PLOD2: variants seen among roughly 807,000 people sequenced by gnomAD.
PLOD2 encodes the protein procollagen-lysine,2-oxoglutarate 5-dioxygenase 2, also known as lysine hydroxylase 2.
A neutral mutation model predicts 101.0 loss-of-function variants in PLOD2; 65 were observed. The observed-to-expected ratio is 0.64, with a 90% CI of 0.53 to 0.79. The LOEUF is 0.79. Ranked by LOEUF, PLOD2 falls within the 30% of genes least tolerant of loss-of-function variation. PLOD2 has a pLI of 0.00. For synonymous variants in PLOD2, 314 were observed against 302.9 expected (o/e 1.04, Z -0.38); for missense variants, 909 against 914.6 (o/e 0.99, Z 0.08).
At chr3:146,157,342 T>G (rs1398930838) in intron 1 of PLOD2, among the ~76,000 whole-genome samples, 2 of 152,176 alleles carry the variant, frequency 1.3e-5, no homozygotes, top group Non-Finnish European at 2.9e-5. Flanking sequence ...TAGTACAAAG[T>G]AAATATGATT....
intron 7 of PLOD2, among the ~76,000 whole-genome samples, chr3:146,093,511 T>A (rs539053849): frequency 6.6e-6 from 1 of 152,226 alleles, no homozygotes; most frequent in East Asian, 1.9e-4. Flanking sequence ...TCATTTGTGT[T>A]CTACAAAATA....
chr3:146,135,115 A>T (rs369770556), intron 1 of PLOD2, among the ~76,000 whole-genome samples: 2 of 152,274 alleles, frequency 1.3e-5, no homozygotes, highest in East Asian at 1.9e-4. Flanking sequence ...AGTTGATTTT[A>T]TATCTTCCAT....
intron 1 of PLOD2, among the ~76,000 whole-genome samples, chr3:146,136,996 G>A (rs2031269236): frequency 1.3e-5 from 2 of 152,114 alleles, no homozygotes; most frequent in Admixed American, 6.6e-5. Flanking sequence ...TTTTGCATAA[G>A]GGATATCCAA....
At chr3:146,111,760 C>T (rs2108071797) in intron 3 of PLOD2, among the ~76,000 whole-genome samples, 1 of 151,692 alleles carries the variant, frequency 6.6e-6, no homozygotes, top group East Asian at 1.9e-4. Context: ...CAAAACACAA[C>T]ACTGTACTTT....
intron 5 of PLOD2, among the ~76,000 whole-genome samples, chr3:146,105,720 C>T (rs1244401599): frequency 2.0e-5 from 3 of 152,126 alleles, no homozygotes; most frequent in Non-Finnish European, 4.4e-5. Context: ...TTTCAGGGAA[C>T]CAAGGATCCA....
intron 12 of PLOD2, among the ~76,000 whole-genome samples, chr3:146,080,854 T>C (rs774135491): frequency 7.9e-5 from 12 of 152,170 alleles, no homozygotes; most frequent in Non-Finnish European, 1.5e-4. Context: ...AAAACCTTTA[T>C]TGTATTTACA....
intron 1 of PLOD2, among the ~76,000 whole-genome samples, chr3:146,157,556 T>C (rs966408897): frequency 6.6e-6 from 1 of 152,212 alleles, no homozygotes; most frequent in Non-Finnish European, 1.5e-5. Context: ...TAGATATTAT[T>C]AAATTGTTCT....
chr3:146,127,753 A>G (rs969392750), intron 1 of PLOD2, among the ~76,000 whole-genome samples: 8 of 152,142 alleles, frequency 5.3e-5, no homozygotes, highest in Non-Finnish European at 8.8e-5. Context: ...CAAGAAATAT[A>G]TGAACAAATC....
At chr3:146,082,680 C>T (rs563195546) in intron 11 of PLOD2, among the ~76,000 whole-genome samples, 1 of 152,218 alleles carries the variant, frequency 6.6e-6, no homozygotes, top group Non-Finnish European at 1.5e-5. Context: ...ATCACAAGGT[C>T]AGGAGTTTGA....
intron 4 of PLOD2, among the ~76,000 whole-genome samples, chr3:146,108,125 C>A (rs776470470): frequency 2.0e-5 from 3 of 151,752 alleles, no homozygotes; most frequent in Non-Finnish European, 4.4e-5. Flanking sequence ...GAAAAAAAAA[C>A]ATCTATTTTC....
intron 3 of PLOD2, among the ~76,000 whole-genome samples, chr3:146,111,615 T>C (rs560196024): frequency 6.6e-6 from 1 of 152,286 alleles, no homozygotes; most frequent in African/African-American, 2.4e-5. Flanking sequence ...TACAAATGTG[T>C]ATGTTAAAAA....
intron 17 of PLOD2, 50 bp from the exon 18 acceptor site, chr3:146,071,473 CATTTAT>C (rs753616385): frequency 1.3e-6 from 2 of 1,537,278 alleles, no homozygotes; most frequent in Non-Finnish European, 1.8e-6. Flanking sequence ...GTGCAATTCC[CATTTAT>C]ATTATAGTAT....
At chr3:146,156,833 G>A (rs960264772) in intron 1 of PLOD2, among the ~76,000 whole-genome samples, 17 of 152,208 alleles carry the variant, frequency 1.1e-4, no homozygotes, top group African/African-American at 4.1e-4. Flanking sequence ...CTGAAGAAGG[G>A]GCACAGGCCC....
rs1937496015 is a variant in PLOD2, at chr3:146,104,327, T to G, written c.631A>C (p.Thr211Pro). 1 of 1,556,936 alleles carries G rather than the reference T, an allele frequency of 6.4e-7. No individual in the cohort carries two copies. The highest frequency in any genetic ancestry group is 1.4e-5 in the African/African-American group (1 of 73,826). ...DPLKREAINI[T>P]LDHKCKIFQT... ...AAAATTTTGCATTTGTGATCCAATG[T>G]GATGTTAATAGCTTCCTAAAACATA... The change falls in exon 6 of 20, where the codon ACA becomes CCA. Residue 211 changes from threonine (T) to proline (P), a missense_variant. Coordinates refer to ENST00000282903, the MANE Select transcript of PLOD2 (RefSeq NM_182943.3).
At chr3:146,076,747 T>C (rs901009727) in intron 15 of PLOD2, 35 bp downstream of exon 15, 4 of 1,002,860 alleles carry the variant, frequency 4.0e-6, no homozygotes, top group African/African-American at 1.6e-5. Flanking sequence ...CTTACAGTTA[T>C]AGAAAAATAA....
At position 146,106,612 on chromosome 3, in the gene PLOD2, T is replaced by C. The variant is rs572485199; in HGVS notation, c.535A>G (p.Ile179Val). The C allele has an allele frequency of 2.5e-5, 39 of 1,588,034 alleles. No individual in the cohort carries two copies. Among genetic ancestry groups the C allele is most frequent in the Non-Finnish European group, 3.4e-5 (39 of 1,156,312 alleles). The change falls in exon 5 of 20, where the codon ATA becomes GTA. Residue 179 changes from isoleucine (I) to valine (V), a missense_variant. Transcript: ENST00000282903. Reference protein sequence around the residue: ...FIGYAPYVNRIVQQWNLQDND... With the variant: ...FIGYAPYVNRVVQQWNLQDND... The stretch of plus-strand genomic sequence containing the variant: ...TCCTGGAGATTCCATTGTTGAACTA[T>C]ACGGTTGACATATGGAGCATAGCCA...
At chr3:146,071,520 T>C in intron 17 of PLOD2, 97 bp from the exon 18 acceptor site, 1 of 1,148,774 alleles carries the variant, frequency 8.7e-7, no homozygotes, top group Admixed American at 1.7e-5. Context: ...TAATAGACAA[T>C]AAAAATAACA....
At chr3:146,104,659 G>A (rs1050544232) in intron 5 of PLOD2, among the ~76,000 whole-genome samples, 3 of 152,062 alleles carry the variant, frequency 2.0e-5, no homozygotes, top group Admixed American at 2.0e-4. Flanking sequence ...TGGTAAATAT[G>A]ATAAAAGTAT....
At chr3:146,136,923 A>G (rs535522430) in intron 1 of PLOD2, among the ~76,000 whole-genome samples, 1 of 152,296 alleles carries the variant, frequency 6.6e-6, no homozygotes, top group African/African-American at 2.4e-5. Context: ...TCGTTATGCA[A>G]CAGATGATTG....
Sources: gnomAD v4.1 joint callset for allele counts (sites outside exome capture counted in the v4.1 genomes callset) on GRCh38, gnomAD v4.1.1 for gene constraint, MANE v1.5 for transcripts, NCBI Gene and HGNC (gene_info 2026-07-23, HGNC 2026-07-21) for gene names.